RIT2: variants seen among roughly 807,000 people sequenced by gnomAD.
The protein encoded by RIT2 is Ras like without CAAX 2, also known as GTP-binding protein Rit2.
RIT2 carries 24 observed loss-of-function variants against 23.7 expected under a neutral mutation model. The observed-to-expected ratio is 1.01, with a 90% CI of 0.73 to 1.43. The LOEUF is 1.43. RIT2 is among the 40% of genes most tolerant of loss of function. RIT2 has a pLI of 0.00. For missense variants in RIT2, 236 were observed against 266.9 expected (o/e 0.88, Z 0.81); for synonymous variants, 107 against 91.1 (o/e 1.17, Z -0.99).
chr18:42,797,062 G>A lies in RIT2; in HGVS notation c.427-53342C>T, dbSNP rs1905386393. 2.6e-5 allele frequency among the ~76,000 whole-genome samples: 4 copies of A among 152,058 alleles called. No individual in the cohort carries two copies. In the South Asian group the frequency reaches 8.3e-4, roughly 32 times the overall value. ...TAAGAACTTCATAAGATTATTAAGA[G>A]AATTAAATAAAATAAACAGTATCTA... On this transcript the variant is annotated intron_variant, in intron 4 of 4. Transcript: ENST00000326695.
At chr18:42,932,730 T>G (rs1036112733) in intron 3 of RIT2, among the ~76,000 whole-genome samples, 2 of 152,178 alleles carry the variant, frequency 1.3e-5, no homozygotes, top group Admixed American at 1.3e-4. Flanking sequence ...CATAGCTAAT[T>G]AAAATACTGC....
chr18:43,112,524 A>C (rs1475048979), intron 1 of RIT2, among the ~76,000 whole-genome samples: 1 of 152,208 alleles, frequency 6.6e-6, no homozygotes, highest in African/African-American at 2.4e-5. Flanking sequence ...GACATATTTT[A>C]AATCTTGTGG....
intron 2 of RIT2, among the ~76,000 whole-genome samples, chr18:43,014,290 A>G (rs1424366420): frequency 2.6e-5 from 4 of 151,824 alleles, no homozygotes; most frequent in Admixed American, 6.6e-5. Context: ...AGAGGCATTG[A>G]TATTAAGTAC....
chr18:43,032,624 T>A (rs1911882734), intron 2 of RIT2, among the ~76,000 whole-genome samples: 1 of 152,088 alleles, frequency 6.6e-6, no homozygotes, highest in South Asian at 2.1e-4. Flanking sequence ...ACAAAGTAGT[T>A]TCTTTCTCTT....
intron 1 of RIT2, among the ~76,000 whole-genome samples, chr18:43,110,680 A>G (rs1206767731): frequency 6.6e-6 from 1 of 152,064 alleles, no homozygotes; most frequent in Non-Finnish European, 1.5e-5. Context: ...TTTATTGGAT[A>G]ATTTGTCTTT....
intron 1 of RIT2, among the ~76,000 whole-genome samples, chr18:43,110,637 GAAGATGCCTAA>G (rs1211152478): frequency 1.3e-5 from 2 of 152,072 alleles, no homozygotes; most frequent in Non-Finnish European, 2.9e-5. Context: ...AAGGCTAAAA[GAAGATGCCTAA>G]AAGATGCCTA....
intron 1 of RIT2, among the ~76,000 whole-genome samples, chr18:43,088,713 T>A (rs535399963): frequency 2.0e-5 from 3 of 152,262 alleles, no homozygotes; most frequent in African/African-American, 7.2e-5. Context: ...ATCATTTTCA[T>A]GGCCTCCATT....
intron 2 of RIT2, among the ~76,000 whole-genome samples, chr18:43,020,120 A>C (rs1014855095): frequency 1.3e-5 from 2 of 152,112 alleles, no homozygotes; most frequent in African/African-American, 4.8e-5. Flanking sequence ...ACCCAAAGCT[A>C]TCTACAGATT....
chr18:42,771,772 T>A (rs567412375), intron 4 of RIT2, among the ~76,000 whole-genome samples: 1 of 152,184 alleles, frequency 6.6e-6, no homozygotes, highest in African/African-American at 2.4e-5. Context: ...TATTGACTGG[T>A]AGCAATGTTA....
intron 1 of RIT2, among the ~76,000 whole-genome samples, chr18:43,064,957 C>T (rs1912734969): frequency 1.3e-5 from 2 of 152,038 alleles, no homozygotes; most frequent in African/African-American, 4.8e-5. Flanking sequence ...GCTGGGATTA[C>T]AGGCGTGCAC....
chr18:42,965,711 C>CTTTTTTTTTTTTTTTTTTTTTTT lies in RIT2; in HGVS notation c.234+8340_234+8362dup, dbSNP rs58344278. On this transcript the variant is annotated intron_variant, in intron 3 of 4. Transcript: ENST00000326695. ...GGTAAACAAAGATGTGTACTGATGG[C>CTTTTTTTTTTTTTTTTTTTTTTT]TTTTTTTTTTTTTTTTTTTTTTTTT... Among the ~76,000 whole-genome samples, 26 of 37,788 alleles carry CTTTTTTTTTTTTTTTTTTTTTTT rather than the reference C, an allele frequency of 6.9e-4. 5 individuals are homozygous for CTTTTTTTTTTTTTTTTTTTTTTT. The highest frequency in any genetic ancestry group is 2.1e-3 in the South Asian group (2 of 972). The allele number at this position is 37,788 out of a possible 152,430, so 24.8% of individuals were successfully genotyped here.
chr18:42,873,670 T>C (rs749296077), intron 4 of RIT2, among the ~76,000 whole-genome samples: 1 of 152,088 alleles, frequency 6.6e-6, no homozygotes, highest in Non-Finnish European at 1.5e-5. Flanking sequence ...AAACAGCATT[T>C]TTCTTCTGCC....
chr18:42,967,744 T>C (rs1910269911), intron 3 of RIT2, among the ~76,000 whole-genome samples: 1 of 151,328 alleles, frequency 6.6e-6, no homozygotes, highest in African/African-American at 2.4e-5. Flanking sequence ...AAAATCCAAA[T>C]CATAATTCTT....
intron 4 of RIT2, among the ~76,000 whole-genome samples, chr18:42,808,728 G>A (rs980972177): frequency 4.6e-5 from 7 of 152,032 alleles, no homozygotes; most frequent in South Asian, 4.1e-4. Flanking sequence ...AGAAAAAATG[G>A]TAGGACATGT....
chr18:42,861,856 C>T (rs551835040), intron 4 of RIT2, among the ~76,000 whole-genome samples: 5 of 152,262 alleles, frequency 3.3e-5, no homozygotes, highest in Middle Eastern at 3.4e-3. Flanking sequence ...CCTAGAACAC[C>T]TTATCTCCTT....
intron 4 of RIT2, among the ~76,000 whole-genome samples, chr18:42,829,335 A>T (rs1906392406): frequency 6.6e-6 from 1 of 152,224 alleles, no homozygotes; most frequent in Admixed American, 6.5e-5. Context: ...TATTAATGCT[A>T]TAAAACACGC....
At chr18:43,061,632 GC>G (rs986577782) in intron 1 of RIT2, among the ~76,000 whole-genome samples, 11 of 152,062 alleles carry the variant, frequency 7.2e-5, no homozygotes, top group Non-Finnish European at 1.3e-4. Context: ...TCTGAATGAT[GC>G]CTTTTAACCA....
intron 4 of RIT2, among the ~76,000 whole-genome samples, chr18:42,885,150 C>T (rs1598699372): frequency 6.6e-6 from 1 of 152,154 alleles, no homozygotes; most frequent in Non-Finnish European, 1.5e-5. Context: ...AAAATGAGAG[C>T]ATTGAAATGG....
chr18:43,051,668 C>T (rs1400368055), intron 1 of RIT2, among the ~76,000 whole-genome samples: 2 of 152,040 alleles, frequency 1.3e-5, no homozygotes, highest in Non-Finnish European at 2.9e-5. Flanking sequence ...TGCCTACTGG[C>T]CATTGGTCTA....
Sources: gnomAD v4.1 joint callset for allele counts (sites outside exome capture counted in the v4.1 genomes callset) on GRCh38, gnomAD v4.1.1 for gene constraint, MANE v1.5 for transcripts, NCBI Gene and HGNC (gene_info 2026-07-23, HGNC 2026-07-21) for gene names.